ATP2B1: variants seen among roughly 807,000 people sequenced by gnomAD.
ATP2B1 encodes plasma membrane calcium-transporting ATPase 1.
A neutral mutation model predicts 124.2 loss-of-function variants in ATP2B1; 14 were observed. The ratio of observed to expected loss-of-function variants is 0.11; its 90% CI spans 0.07 to 0.18. The LOEUF is 0.18. ATP2B1 is among the 10% of genes least tolerant of loss of function. ATP2B1 has a pLI of 1.00. For synonymous variants in ATP2B1, 449 were observed against 492.4 expected (o/e 0.91, Z 1.17); for missense variants, 763 against 1,466.1 (o/e 0.52, Z 7.83).
At position 89,635,312 on chromosome 12, in the gene ATP2B1, TA is replaced by T. The variant is rs949649367; in HGVS notation, c.407-62del. 6 of 1,518,872 alleles carry T rather than the reference TA, an allele frequency of 4.0e-6. No homozygotes were observed. In the African/African-American group the frequency reaches 8.3e-5, roughly 21 times the overall value. The allele number at this position is 1,518,872 out of a possible 1,614,324, so 94.1% of individuals were successfully genotyped here. On this transcript the variant is annotated intron_variant, in intron 3 of 20. Coordinates refer to ENST00000428670, the MANE Select transcript of ATP2B1 (RefSeq NM_001366521.1). ...TTCTGAATTGATGACAACATACATA[TA>T]GTACGTCTAAATCATATTTTTGTGT...
chr12:89,701,400 G>T (rs956494819), intron 1 of ATP2B1, among the ~76,000 whole-genome samples: 1 of 152,060 alleles, frequency 6.6e-6, no homozygotes, highest in Admixed American at 6.6e-5. Flanking sequence ...AAGATATAGG[G>T]TTCTATATCA....
At chr12:89,595,057 C>T (rs113095118) in intron 20 of ATP2B1, among the ~76,000 whole-genome samples, 5 of 152,014 alleles carry the variant, frequency 3.3e-5, no homozygotes, top group African/African-American at 1.2e-4. Flanking sequence ...GTGTAATGTT[C>T]TTATCTATCT....
chr12:89,656,704 T>C (rs1346086176), intron 1 of ATP2B1, among the ~76,000 whole-genome samples: 1 of 152,218 alleles, frequency 6.6e-6, no homozygotes, highest in African/African-American at 2.4e-5. Flanking sequence ...TAAAATCTTT[T>C]GGCCGGCAAA....
At position 89,659,490 on chromosome 12, in the gene ATP2B1, G is replaced by T. The variant is rs990556072; in HGVS notation, c.-221-3383C>A. Among the ~76,000 whole-genome samples, 4 of 152,092 alleles carry T rather than the reference G, an allele frequency of 2.6e-5. No individual in the cohort carries two copies. The South Asian group carries it at 8.3e-4, about 31-fold the overall frequency. ...TGACATATAATCTTTACTGTGAATG[G>T]GTAGGGCCTTAGAAAAAGACAAAAG... On this transcript the variant is annotated intron_variant, in intron 1 of 20. Transcript: ENST00000428670.
At chr12:89,642,484 T>C in intron 2 of ATP2B1, 129 bp from the exon 3 acceptor site, 1 of 901,042 alleles carries the variant, frequency 1.1e-6, no homozygotes. Flanking sequence ...GCTTTAAGTG[T>C]ACAGAATTTA....
At chr12:89,655,534 A>C (rs556723841) in intron 2 of ATP2B1, 145 bp downstream of exon 2, 2 of 726,964 alleles carry the variant, frequency 2.8e-6, no homozygotes, top group Admixed American at 2.7e-5. Context: ...TAACTGTATT[A>C]ATCTGATAAC....
At chr12:89,674,156 A>T (rs985841263) in intron 1 of ATP2B1, among the ~76,000 whole-genome samples, 1 of 152,152 alleles carries the variant, frequency 6.6e-6, no homozygotes, top group African/African-American at 2.4e-5. Context: ...TCTCCATGGA[A>T]CTTATATTCC....
chr12:89,672,549 G>T (rs913577845), intron 1 of ATP2B1, among the ~76,000 whole-genome samples: 16 of 152,106 alleles, frequency 1.1e-4, no homozygotes, highest in African/African-American at 3.9e-4. Context: ...AGCACATATG[G>T]CTGCCTATCG....
chr12:89,622,429 C>G (rs1251179110), intron 9 of ATP2B1, among the ~76,000 whole-genome samples: 1 of 151,916 alleles, frequency 6.6e-6, no homozygotes, highest in Non-Finnish European at 1.5e-5. Context: ...ACTTCTTTCT[C>G]TCATTTACAA....
intron 1 of ATP2B1, among the ~76,000 whole-genome samples, chr12:89,691,714 G>A (rs1375138708): frequency 6.6e-6 from 1 of 152,108 alleles, no homozygotes; most frequent in Non-Finnish European, 1.5e-5. Context: ...AAACTTAAGA[G>A]CCATATTTCC....
intron 1 of ATP2B1, among the ~76,000 whole-genome samples, chr12:89,704,290 A>G (rs982166518): frequency 6.6e-6 from 1 of 152,200 alleles, no homozygotes; most frequent in Non-Finnish European, 1.5e-5. Context: ...AAAATCCACA[A>G]TATTAAAAAT....
At chr12:89,656,354 G>C (rs914503634) in intron 1 of ATP2B1, among the ~76,000 whole-genome samples, 2 of 152,208 alleles carry the variant, frequency 1.3e-5, no homozygotes, top group Non-Finnish European at 2.9e-5. Context: ...TCACATGACT[G>C]AATTTTATGA....
intron 1 of ATP2B1, among the ~76,000 whole-genome samples, chr12:89,665,302 T>C (rs1887175757): frequency 6.6e-6 from 1 of 152,194 alleles, no homozygotes; most frequent in Non-Finnish European, 1.5e-5. Flanking sequence ...ATTTCTTTTA[T>C]TCAAAAAATG....
intron 1 of ATP2B1, among the ~76,000 whole-genome samples, chr12:89,704,422 T>TC (rs1018621213): frequency 1.3e-5 from 2 of 152,204 alleles, no homozygotes; most frequent in Admixed American, 6.5e-5. Flanking sequence ...ACAAACCCAT[T>TC]CATATTTCTC....
At chr12:89,693,735 G>C (rs901940110) in intron 1 of ATP2B1, among the ~76,000 whole-genome samples, 1 of 152,152 alleles carries the variant, frequency 6.6e-6, no homozygotes, top group Admixed American at 6.5e-5. Context: ...TGGCAAACCA[G>C]TTATCAAAAT....
chr12:89,655,317 T>G, intron 2 of ATP2B1, among the ~76,000 whole-genome samples: 1 of 152,118 alleles, frequency 6.6e-6, no homozygotes, highest in South Asian at 2.1e-4. Context: ...CCCAGCAAAA[T>G]GAAGGATAGT....
At chr12:89,699,860 A>G (rs933452162) in intron 1 of ATP2B1, among the ~76,000 whole-genome samples, 2 of 152,028 alleles carry the variant, frequency 1.3e-5, no homozygotes, top group Non-Finnish European at 2.9e-5. Flanking sequence ...CTATTTTTTG[A>G]GACAGAGACG....
chr12:89,701,776 G>T (rs1891879989), intron 1 of ATP2B1, among the ~76,000 whole-genome samples: 1 of 152,062 alleles, frequency 6.6e-6, no homozygotes, highest in South Asian at 2.1e-4. Context: ...CGAACTCCTG[G>T]CCTCAAGCGA....
At chr12:89,605,879 G>T (rs1282367224) in intron 15 of ATP2B1, among the ~76,000 whole-genome samples, 2 of 152,184 alleles carry the variant, frequency 1.3e-5, no homozygotes, top group African/African-American at 4.8e-5. Flanking sequence ...ACTAAAATTG[G>T]TAAGAGTGCT....
Sources: allele counts gnomAD v4.1 joint callset (sites outside exome capture counted in the v4.1 genomes callset), GRCh38; gene constraint gnomAD v4.1.1; transcripts MANE v1.5; gene names NCBI Gene and HGNC (gene_info 2026-07-23, HGNC 2026-07-21).